SPZ1: variants seen among roughly 807,000 people sequenced by gnomAD.
SPZ1 encodes the protein spermatogenic leucine zipper 1, also known as spermatogenic leucine zipper protein 1.
For synonymous variants in SPZ1, 160 were observed against 167.6 expected, an observed-to-expected ratio of 0.95 and a Z score of 0.35; for missense variants, 408 against 486.2, an observed-to-expected ratio of 0.84 and a Z score of 1.51.
In SPZ1 at chr5:80,320,516, A is replaced by C. The variant is rs1254364658; in HGVS notation, c.301A>C (p.Asn101His). The C allele has an allele frequency of 1.2e-6, 2 of 1,614,028 alleles. No homozygotes were observed. The highest frequency in any genetic ancestry group is 2.7e-5 in the African/African-American group (2 of 74,950). ...TEAKELFEET[N>H]ITEDVSAHKE... ...AGCAAAAGAACTTTTTGAGGAAACC[A>C]ATATTACTGAGGATGTGTCAGCCCA... is the stretch of plus-strand genomic sequence containing the variant. Residue 101 changes from asparagine to histidine, a missense_variant, in exon 1 of 1, where the codon AAT becomes CAT. Physicochemically the swap from Asn to His is moderately conservative, Grantham distance 68 (BLOSUM62 1). Coordinates refer to ENST00000296739, the MANE Select transcript of SPZ1 (RefSeq NM_032567.4).
chr5:80,321,667 C>T lies in SPZ1; in HGVS notation c.*159C>T. ...AGATTGACACTTATATTACTCATTA[C>T]TTCAGCAGTTATGTAAGTCTGGTCT... On this transcript the variant is annotated 3_prime_UTR_variant, in exon 1 of 1. Coordinates refer to ENST00000296739, the MANE Select transcript of SPZ1 (RefSeq NM_032567.4). 1.9e-6 allele frequency: 1 copy of T among 534,946 alleles called. No homozygotes were observed. The highest frequency in any genetic ancestry group is 3.3e-6 in the Non-Finnish European group (1 of 303,390). The allele number at this position is 534,946 out of a possible 1,614,324, so 33.1% of individuals were successfully genotyped here. A position where few individuals can be genotyped will look rare whatever the true frequency, so the allele number is the denominator to read the frequency against.
At position 80,320,733 on chromosome 5, in the gene SPZ1, C is replaced by A. The variant is rs766746055; in HGVS notation, c.518C>A (p.Thr173Lys). ...GACAAAATCAATGAAATGTTATCAA[C>A]AAACCTGCCTGTTAGTTTAGCCCCA... ...GLDKINEMLS[T>K]NLPVSLAPEK... Residue 173 changes from threonine (T) to lysine (K), a missense_variant, in exon 1 of 1, where the codon ACA becomes AAA. By Grantham distance (78) the Thr-to-Lys change is moderately conservative. Coordinates refer to ENST00000296739, the MANE Select transcript of SPZ1 (RefSeq NM_032567.4). The A allele has an allele frequency of 2.5e-6, 4 of 1,600,088 alleles. No homozygotes were observed. Among genetic ancestry groups the A allele is most frequent in the Non-Finnish European group, 3.4e-6 (4 of 1,169,220 alleles).
chr5:80,321,262 G>T lies in SPZ1; in HGVS notation c.1047G>T (p.Leu349=), dbSNP rs1488782832. The change falls in exon 1 of 1, where the codon CTG becomes CTT. Residue 349 remains leucine (L), a synonymous_variant. Transcript: ENST00000296739. ...KELHHQKQGT[L]QEKPIQINYK... is the part of the protein sequence containing the mutation. ...TCCATCATCAGAAACAGGGAACTCT[G>T]CAAGAGAAGCCAATTCAGATAAACT... 6.2e-7 allele frequency: 1 copy of T among 1,612,690 alleles called. No homozygotes were observed. Among genetic ancestry groups the T allele is most frequent in the South Asian group, 1.1e-5 (1 of 90,710 alleles).
In SPZ1 at chr5:80,321,019, A is replaced by G. The variant is rs1330448687; in HGVS notation, c.804A>G (p.Ile268Met). The change falls in exon 1 of 1, where the codon ATA (isoleucine) becomes ATG (methionine). Residue 268 changes from isoleucine (I) to methionine (M), a missense_variant. By Grantham distance (10) the Ile-to-Met change is conservative. Transcript: ENST00000296739. ...SKQHTELSKL[I>M]KSYQKSQKDI... ...AACATACTGAGCTCAGTAAACTGAT[A>G]AAATCCTATCAGAAATCTCAGAAAG... The G allele has an allele frequency of 6.2e-7, 1 of 1,614,180 alleles. No individual in the cohort carries two copies. The highest frequency in any genetic ancestry group is 2.2e-5 in the East Asian group (1 of 44,888).
In SPZ1 at chr5:80,321,701, C is replaced by T. The variant is rs977951611; in HGVS notation, c.*193C>T. On this transcript the variant is annotated 3_prime_UTR_variant, in exon 1 of 1. Transcript: ENST00000296739. ...TTATGTAAGTCTGGTCTTTAATGAC[C>T]ATTGTGTCTACATCAAGTTCATAAC... The T allele has an allele frequency of 2.2e-6, 1 of 458,904 alleles. No homozygotes were observed. Among genetic ancestry groups the T allele is most frequent in the Non-Finnish European group, 3.9e-6 (1 of 254,776 alleles). The allele number at this position is 458,904 out of a possible 1,614,324, so 28.4% of individuals were successfully genotyped here. A position where few individuals can be genotyped will look rare whatever the true frequency, so the allele number is the denominator to read the frequency against.
At position 80,320,367 on chromosome 5, in the gene SPZ1, C is replaced by T; in HGVS notation, c.152C>T (p.Pro51Leu). 1 of 1,614,116 alleles carries T rather than the reference C, an allele frequency of 6.2e-7. No homozygotes were observed. The highest frequency in any genetic ancestry group is 1.1e-5 in the South Asian group (1 of 91,076). The change falls in exon 1 of 1, where the codon CCT (proline) becomes CTT (leucine). Residue 51 changes from proline to leucine, a missense_variant. Physicochemically the swap from Pro to Leu is moderately conservative, Grantham distance 98 (BLOSUM62 -3). Transcript: ENST00000296739. ...TCCCCTTCCTCCTGGGGCTCTCTCC[C>T]TTTCCTAAAGAATAGCAGCCATCAA... Reference protein sequence around the residue: ...SHSPSSWGSLPFLKNSSHQVT... With the variant: ...SHSPSSWGSLLFLKNSSHQVT...
At position 80,321,465 on chromosome 5, in the gene SPZ1, A is replaced by T; in HGVS notation, c.1250A>T (p.Lys417Ile). 6.3e-7 allele frequency: 1 copy of T among 1,595,340 alleles called. No individual in the cohort carries two copies. Among genetic ancestry groups the T allele is most frequent in the Non-Finnish European group, 8.5e-7 (1 of 1,175,412 alleles). Residue 417 changes from lysine (K) to isoleucine (I), a missense_variant, in exon 1 of 1, where the codon AAA (lysine) becomes ATA (isoleucine). Physicochemically the swap from Lys to Ile is moderately radical, Grantham distance 102 (BLOSUM62 -3). Coordinates refer to ENST00000296739, the MANE Select transcript of SPZ1 (RefSeq NM_032567.4). ...CAGTTCAATATTCATGTTGCAAGAAAAGCTCTTAGGGGAAAAATGAGGTCA... is the reference window on the plus strand; with the variant it reads ...CAGTTCAATATTCATGTTGCAAGAATAGCTCTTAGGGGAAAAATGAGGTCA... ...NTQFNIHVARKALRGKMRSAS... is the reference protein window; with the variant it reads ...NTQFNIHVARIALRGKMRSAS...
At position 80,321,382 on chromosome 5, in the gene SPZ1, A is replaced by G; in HGVS notation, c.1167A>G (p.Lys389=). 1 of 1,613,932 alleles carries G rather than the reference A, an allele frequency of 6.2e-7. No individual in the cohort carries two copies. Among genetic ancestry groups the G allele is most frequent in the Non-Finnish European group, 8.5e-7 (1 of 1,179,968 alleles). The change falls in exon 1 of 1, where the codon AAA becomes AAG. Residue 389 remains lysine, a synonymous_variant. Coordinates refer to ENST00000296739, the MANE Select transcript of SPZ1 (RefSeq NM_032567.4). ...NKQAMKGTFW[K]KDRSCRSLDV... Reference sequence around the variant, plus strand: ...AAGCAATGAAGGGTACATTTTGGAAAAAAGACAGATCCTGTAGAAGCCTGG... The same window carrying G: ...AAGCAATGAAGGGTACATTTTGGAAGAAAGACAGATCCTGTAGAAGCCTGG...
At position 80,320,167 on chromosome 5, in the gene SPZ1, A is replaced by T. The variant is rs1451809944; in HGVS notation, c.-49A>T. ...ACCCACATTTGCACAAAGGACCATC[A>T]CCTGTCCTTCCTGGAATCTCTAAAG... is the stretch of plus-strand genomic sequence containing the variant. On this transcript the variant is annotated 5_prime_UTR_variant, in exon 1 of 1. Coordinates refer to ENST00000296739, the MANE Select transcript of SPZ1 (RefSeq NM_032567.4). The T allele has an allele frequency of 3.5e-6, 5 of 1,424,906 alleles. No homozygotes were observed. Among genetic ancestry groups the T allele is most frequent in the Admixed American group, 4.1e-5 (2 of 48,960 alleles). 88.3% of individuals were successfully genotyped at this position (1,424,906 alleles called of 1,614,324 possible).
Position 80,320,538 on chromosome 5 carries a change from C to G in SPZ1, c.323C>G (p.Ala108Gly). 6.2e-7 allele frequency: 1 copy of G among 1,613,642 alleles called. No individual in the cohort carries two copies. Among genetic ancestry groups the G allele is most frequent in the African/African-American group, 1.3e-5 (1 of 74,982 alleles). Residue 108 changes from alanine to glycine, a missense_variant, in exon 1 of 1, where the codon GCC becomes GGC. Coordinates refer to ENST00000296739, the MANE Select transcript of SPZ1 (RefSeq NM_032567.4). Reference protein sequence around the residue: ...EETNITEDVSAHKENIRGLDK... With the variant: ...EETNITEDVSGHKENIRGLDK... ...ACCAATATTACTGAGGATGTGTCAG[C>G]CCACAAAGAAAATATCAGAGGACTT...
chr5:80,321,538 T>A lies in SPZ1; in HGVS notation c.*30T>A. The A allele has an allele frequency of 4.8e-6, 7 of 1,467,696 alleles. No individual in the cohort carries two copies. Among genetic ancestry groups the A allele is most frequent in the South Asian group, 1.4e-5 (1 of 73,968 alleles). 90.9% of individuals were successfully genotyped at this position (1,467,696 alleles called of 1,614,324 possible). Reference sequence around the variant, plus strand: ...TACCAAAAGCAGATGAAAAGGTGAATCCTTAAAAAACTACATCTGTTACCT... The same window carrying A: ...TACCAAAAGCAGATGAAAAGGTGAAACCTTAAAAAACTACATCTGTTACCT... On this transcript the variant is annotated 3_prime_UTR_variant, in exon 1 of 1. Transcript: ENST00000296739.
chr5:80,321,713 A>G lies in SPZ1; in HGVS notation c.*205A>G, dbSNP rs925190240. ...GGTCTTTAATGACCATTGTGTCTAC[A>G]TCAAGTTCATAACTTTTCACCTTTA... On this transcript the variant is annotated 3_prime_UTR_variant, in exon 1 of 1. Transcript: ENST00000296739. The G allele has an allele frequency of 2.6e-5, 11 of 420,134 alleles. No individual in the cohort carries two copies. Among genetic ancestry groups the G allele is most frequent in the Non-Finnish European group, 4.3e-5 (10 of 231,078 alleles). The allele number at this position is 420,134 out of a possible 1,614,324, so 26.0% of individuals were successfully genotyped here. A position where few individuals can be genotyped will look rare whatever the true frequency, so the allele number is the denominator to read the frequency against.
chr5:80,320,969 C>G lies in SPZ1; in HGVS notation c.754C>G (p.Gln252Glu). The G allele has an allele frequency of 6.2e-7, 1 of 1,613,782 alleles. No homozygotes were observed. The highest frequency in any genetic ancestry group is 8.5e-7 in the Non-Finnish European group (1 of 1,179,972). ...TAGGAACAACATGGAGCAGTTACTA[C>G]AGGAAGCAGAACACTGGAGTAAACA... ...KIRNNMEQLL[Q>E]EAEHWSKQHT... is the part of the protein sequence containing the mutation. Residue 252 changes from glutamine to glutamate, a missense_variant, in exon 1 of 1, where the codon CAG (glutamine) becomes GAG (glutamate). Transcript: ENST00000296739.
In SPZ1 at chr5:80,321,171, T is replaced by C. The variant is rs764237055; in HGVS notation, c.956T>C (p.Leu319Ser). ...AGCCATGACACCTATTCATTGCAGT[T>C]GATGGCAGCTTTGCTAGAGAATGAA... ...KLSHDTYSLQLMAALLENECQ... is the reference protein window; with the variant it reads ...KLSHDTYSLQSMAALLENECQ... The change falls in exon 1 of 1, where the codon TTG becomes TCG. Residue 319 changes from leucine (L) to serine (S), a missense_variant. By Grantham distance (145) the Leu-to-Ser change is moderately radical. Transcript: ENST00000296739. 1.4e-5 allele frequency: 22 copies of C among 1,613,934 alleles called. No individual in the cohort carries two copies. The highest frequency in any genetic ancestry group is 1.7e-5 in the Non-Finnish European group (20 of 1,180,038).
At position 80,320,168 on chromosome 5, in the gene SPZ1, C is replaced by T; in HGVS notation, c.-48C>T. ...CCCACATTTGCACAAAGGACCATCA[C>T]CTGTCCTTCCTGGAATCTCTAAAGT... On this transcript the variant is annotated 5_prime_UTR_variant, in exon 1 of 1. Coordinates refer to ENST00000296739, the MANE Select transcript of SPZ1 (RefSeq NM_032567.4). 1 of 1,436,628 alleles carries T rather than the reference C, an allele frequency of 7.0e-7. No homozygotes were observed. Among genetic ancestry groups the T allele is most frequent in the Non-Finnish European group, 9.5e-7 (1 of 1,050,058 alleles). 89.0% of individuals were successfully genotyped at this position (1,436,628 alleles called of 1,614,324 possible).
At position 80,321,585 on chromosome 5, in the gene SPZ1, A is replaced by G; in HGVS notation, c.*77A>G. Reference sequence around the variant, plus strand: ...ACCTCCAACTTGTCAGTCATGATCAATCATCAAACCTTGGGCAGATCTGCT... The same window carrying G: ...ACCTCCAACTTGTCAGTCATGATCAGTCATCAAACCTTGGGCAGATCTGCT... On this transcript the variant is annotated 3_prime_UTR_variant, in exon 1 of 1. Coordinates refer to ENST00000296739, the MANE Select transcript of SPZ1 (RefSeq NM_032567.4). The G allele has an allele frequency of 1.7e-6, 2 of 1,201,204 alleles. No individual in the cohort carries two copies. The highest frequency in any genetic ancestry group is 1.6e-5 in the South Asian group (1 of 62,476). The allele number at this position is 1,201,204 out of a possible 1,614,324, so 74.4% of individuals were successfully genotyped here.
rs766838840 is a variant in SPZ1, at chr5:80,320,852, C to G, written c.637C>G (p.Arg213Gly). The change falls in exon 1 of 1, where the codon CGT becomes GGT. Residue 213 changes from arginine (R) to glycine (G), a missense_variant. Coordinates refer to ENST00000296739, the MANE Select transcript of SPZ1 (RefSeq NM_032567.4). The part of the protein sequence containing the change: ...AQVFARDLVN[R>G]LEEKKVLNET... ...AGTTTTTGCAAGAGATTTGGTAAATCGTTTAGAAGAAAAAAAAGTCCTTAA... is the reference window on the plus strand; with the variant it reads ...AGTTTTTGCAAGAGATTTGGTAAATGGTTTAGAAGAAAAAAAAGTCCTTAA... 2 of 1,613,430 alleles carry G rather than the reference C, an allele frequency of 1.2e-6. No homozygotes were observed. The highest frequency in any genetic ancestry group is 1.7e-6 in the Non-Finnish European group (2 of 1,179,916).
In SPZ1 at chr5:80,321,749, G is replaced by GT. The variant is rs201576103; in HGVS notation, c.*249dup. ...AACTTTTCACCTTTACAATCTGCTTGTTTTTTTTGTAATTATTAGATAGAC... is the reference window on the plus strand; with the variant it reads ...AACTTTTCACCTTTACAATCTGCTTGTTTTTTTTTGTAATTATTAGATAGAC... On this transcript the variant is annotated 3_prime_UTR_variant, in exon 1 of 1. Transcript: ENST00000296739. 2.4e-4 allele frequency: 76 copies of GT among 315,052 alleles called. No homozygotes were observed. The highest frequency in any genetic ancestry group is 3.8e-4 in the South Asian group (3 of 7,902). 19.5% of individuals were successfully genotyped at this position (315,052 alleles called of 1,614,324 possible).
chr5:80,321,533 G>T lies in SPZ1; in HGVS notation c.*25G>T. The T allele has an allele frequency of 6.5e-7, 1 of 1,526,882 alleles. No homozygotes were observed. The highest frequency in any genetic ancestry group is 1.4e-5 in the African/African-American group (1 of 71,646). 94.6% of individuals were successfully genotyped at this position (1,526,882 alleles called of 1,614,324 possible). ...GAAAATACCAAAAGCAGATGAAAAG[G>T]TGAATCCTTAAAAAACTACATCTGT... On this transcript the variant is annotated 3_prime_UTR_variant, in exon 1 of 1. Transcript: ENST00000296739.
Sources: gnomAD v4.1 joint callset for allele counts on GRCh38, gnomAD v4.1.1 for gene constraint, MANE v1.5 for transcripts, NCBI Gene and HGNC (gene_info 2026-07-23, HGNC 2026-07-21) for gene names.